Variants in FBP1 observed in about 807,000 individuals in gnomAD.
FBP1 encodes fructose-bisphosphatase 1.
In FBP1, 22 loss-of-function variants were observed where a neutral mutation model predicts 29.9. The ratio of observed to expected loss-of-function variants is 0.74; its 90% CI spans 0.53 to 1.05. FBP1 has a LOEUF of 1.05. Among genes scored for constraint, FBP1 ranks in the 50% least tolerant of loss-of-function variants. The pLI, the probability that FBP1 is intolerant of heterozygous loss-of-function variation, is 0.00. For missense variants in FBP1, 345 were observed against 448.2 expected, an observed-to-expected ratio of 0.77 and a Z score of 2.08; for synonymous variants, 175 against 178.6, an observed-to-expected ratio of 0.98 and a Z score of 0.16.
intron 1 of FBP1, among the ~76,000 whole-genome samples, chr9:94,628,396 A>AAAAC (rs1460137005): frequency 2.6e-5 from 4 of 151,036 alleles, no homozygotes; most frequent in Non-Finnish European, 5.9e-5. Context: ...AAAAAAAAAA[A>AAAAC]ATTTATCATA....
chr9:94,621,029 T>C (rs961879605), intron 1 of FBP1, among the ~76,000 whole-genome samples: 2 of 151,544 alleles, frequency 1.3e-5, no homozygotes, highest in Admixed American at 6.6e-5. Context: ...CTGGCTAACA[T>C]GGTGAAACCC....
At chr9:94,616,060 C>T (rs1827857492) in intron 3 of FBP1, among the ~76,000 whole-genome samples, 1 of 152,086 alleles carries the variant, frequency 6.6e-6, no homozygotes, top group Non-Finnish European at 1.5e-5. Context: ...AATCTCCTGA[C>T]CTCATGATCC....
At chr9:94,633,327 C>T (rs1159693396) in intron 1 of FBP1, among the ~76,000 whole-genome samples, 2 of 152,264 alleles carry the variant, frequency 1.3e-5, no homozygotes, top group African/African-American at 4.8e-5. Context: ...TTCGCTCTTC[C>T]GATATACTTC....
At chr9:94,604,635 T>G (rs1827669225) in intron 6 of FBP1, among the ~76,000 whole-genome samples, 1 of 151,738 alleles carries the variant, frequency 6.6e-6, no homozygotes, top group Non-Finnish European at 1.5e-5. Context: ...AATATAAAAA[T>G]TAGTCGGGCG....
At chr9:94,616,072 C>T (rs1255103503) in intron 3 of FBP1, among the ~76,000 whole-genome samples, 1 of 152,124 alleles carries the variant, frequency 6.6e-6, no homozygotes, top group African/African-American at 2.4e-5. Context: ...TCATGATCCG[C>T]CCACCTCGGC....
chr9:94,612,029 T>C (rs2131479235), intron 3 of FBP1, among the ~76,000 whole-genome samples: 1 of 152,364 alleles, frequency 6.6e-6, no homozygotes, highest in African/African-American at 2.4e-5. Flanking sequence ...CACTGGGTTA[T>C]TTGATTCAGT....
intron 1 of FBP1, among the ~76,000 whole-genome samples, chr9:94,621,398 A>AAAAAATATATATAT (rs58726402): frequency 6.2e-5 from 9 of 146,158 alleles, no homozygotes; most frequent in Admixed American, 2.7e-4. Flanking sequence ...TCCGTCTAAA[A>AAAAAATATATATAT]ATATATATAT....
intron 3 of FBP1, among the ~76,000 whole-genome samples, chr9:94,610,905 C>T (rs1323387656): frequency 1.3e-5 from 2 of 151,612 alleles, no homozygotes; most frequent in East Asian, 3.9e-4. Flanking sequence ...GCTCTGTCGC[C>T]CAGGCTGGAG....
chr9:94,638,926 C>T (rs1006369376), intron 1 of FBP1, among the ~76,000 whole-genome samples: 1 of 152,142 alleles, frequency 6.6e-6, no homozygotes, highest in African/African-American at 2.4e-5. Context: ...CAGGTGGGCC[C>T]CTCCAAGGTC....
At chr9:94,619,637 G>C (rs1431489848) in intron 2 of FBP1, among the ~76,000 whole-genome samples, 4 of 151,972 alleles carry the variant, frequency 2.6e-5, no homozygotes, top group Non-Finnish European at 5.9e-5. Context: ...ACTTTGGGAG[G>C]CCAAGGTGGG....
At chr9:94,634,687 A>G (rs1287570944) in intron 1 of FBP1, among the ~76,000 whole-genome samples, 1 of 152,212 alleles carries the variant, frequency 6.6e-6, no homozygotes, top group African/African-American at 2.4e-5. Context: ...CCAGAAGCCC[A>G]GAGGGAAGTC....
intron 1 of FBP1, among the ~76,000 whole-genome samples, chr9:94,631,145 C>T (rs1828099569): frequency 6.6e-6 from 1 of 152,208 alleles, no homozygotes; most frequent in South Asian, 2.1e-4. Flanking sequence ...GTTGGCCCTG[C>T]AGCCCAAGTA....
chr9:94,607,965 T>G (rs1230280991), intron 4 of FBP1, among the ~76,000 whole-genome samples: 1 of 152,224 alleles, frequency 6.6e-6, no homozygotes, highest in Non-Finnish European at 1.5e-5. Flanking sequence ...TTCAAAATTT[T>G]TGACCACAAG....
rs28402385 is a variant in FBP1 at position 94,637,041 on chromosome 9, T to C, written c.170+2100A>G. On this transcript the variant is annotated intron_variant, in intron 1 of 6. Coordinates refer to ENST00000375326, the MANE Select transcript of FBP1 (RefSeq NM_000507.4). ...CCTGGTCCTCAAAGGCAGTTAAAGC[T>C]GTGAGCCACCTATACTAGCTGTAAA... Among the ~76,000 whole-genome samples, 1,139 of 152,260 alleles carry C rather than the reference T, an allele frequency of 7.5e-3. 14 individuals are homozygous for C. Among genetic ancestry groups the C allele is most frequent in the African/African-American group, 0.026 (1,101 of 41,552 alleles).
intron 6 of FBP1, chr9:94,603,825 G>A: frequency 1.9e-6 from 1 of 533,926 alleles, no homozygotes; most frequent in Admixed American, 2.7e-5. Context: ...GCAAATGTGA[G>A]ACAGACCACC....
At chr9:94,604,286 CG>C (rs1827659274) in intron 6 of FBP1, among the ~76,000 whole-genome samples, 1 of 151,788 alleles carries the variant, frequency 6.6e-6, no homozygotes, top group South Asian at 2.1e-4. Flanking sequence ...GGAACAATTT[CG>C]GGGGACTTTA....
intron 3 of FBP1, among the ~76,000 whole-genome samples, chr9:94,611,589 C>A (rs968638249): frequency 1.3e-5 from 2 of 151,828 alleles, no homozygotes; most frequent in Non-Finnish European, 2.9e-5. Context: ...CCCATCTCTA[C>A]GAAAAAAAAT....
chr9:94,624,372 G>A (rs1261468046), intron 1 of FBP1, among the ~76,000 whole-genome samples: 4 of 147,280 alleles, frequency 2.7e-5, no homozygotes, highest in Non-Finnish European at 6.0e-5. Flanking sequence ...GAGGAAATGG[G>A]CCAGGCACGG....
intron 1 of FBP1, among the ~76,000 whole-genome samples, chr9:94,637,234 C>T (rs1828204808): frequency 6.6e-6 from 1 of 152,070 alleles, no homozygotes; most frequent in South Asian, 2.1e-4. Flanking sequence ...TGAATTACCT[C>T]CACCAGTCCA....
Sources: allele counts gnomAD v4.1 joint callset (sites outside exome capture counted in the v4.1 genomes callset), GRCh38; gene constraint gnomAD v4.1.1; transcripts MANE v1.5; gene names NCBI Gene and HGNC (gene_info 2026-07-23, HGNC 2026-07-21).